Variants in SLC5A11 observed in about 807,000 individuals in gnomAD.
SLC5A11 encodes sodium/myo-inositol cotransporter 2.
Under a neutral mutation model 69.8 loss-of-function variants are expected in SLC5A11, and 48 were observed. The observed-to-expected ratio is 0.69, with a 90% confidence interval of 0.55 to 0.87. SLC5A11 has a LOEUF of 0.87. SLC5A11 is among the 40% of genes least tolerant of loss of function. SLC5A11 has a pLI of 0.00. For missense variants in SLC5A11, 784 were observed against 866.1 expected (o/e 0.91, Z 1.19); for synonymous variants, 319 against 342.4 (o/e 0.93, Z 0.75).
chr16:24,896,396 G>C (rs1187498858), intron 9 of SLC5A11, among the ~76,000 whole-genome samples: 1 of 151,846 alleles, frequency 6.6e-6, no homozygotes. Flanking sequence ...TTGAAAGACT[G>C]AGGCAGGAGG....
intron 3 of SLC5A11, among the ~76,000 whole-genome samples, chr16:24,863,807 G>A (rs918837811): frequency 6.6e-6 from 1 of 152,156 alleles, no homozygotes; most frequent in African/African-American, 2.4e-5. Flanking sequence ...CTTTAGCTGT[G>A]TTGTAGCCTT....
chr16:24,857,603 C>A (rs1355986506), intron 1 of SLC5A11, among the ~76,000 whole-genome samples: 1 of 152,162 alleles, frequency 6.6e-6, no homozygotes. Flanking sequence ...AGCTCCATTA[C>A]CCCATCTTCA....
At chr16:24,910,237 G>A (rs2050407074) in intron 14 of SLC5A11, 69 bp from the exon 16 acceptor site, 1 of 1,530,418 alleles carries the variant, frequency 6.5e-7, no homozygotes, top group Admixed American at 1.7e-5. Context: ...GGTGGGGAGT[G>A]TGAGAAAAGG....
chr16:24,859,144 A>T (rs2059657204), intron 2 of SLC5A11: 1 of 162,882 alleles, frequency 6.1e-6, no homozygotes, highest in South Asian at 2.0e-4. Flanking sequence ...TTCGAAGCTC[A>T]TGTTTTGTTT....
intron 1 of SLC5A11, among the ~76,000 whole-genome samples, chr16:24,848,301 G>C (rs1463543826): frequency 2.6e-5 from 4 of 152,158 alleles, no homozygotes; most frequent in Admixed American, 2.0e-4. Context: ...TGGCTTCCGT[G>C]TGAGGGGCGG....
At position 24,911,581 on chromosome 16, in the gene SLC5A11, A is replaced by AT. The variant is rs1294858394; in HGVS notation, c.*55dup. 3.9e-6 allele frequency: 6 copies of AT among 1,557,666 alleles called. No individual in the cohort carries two copies. The South Asian group carries it at 6.9e-5, about 18-fold the overall frequency. On this transcript the variant is annotated 3_prime_UTR_variant, in exon 16 of 16. Coordinates refer to ENST00000347898, the Ensembl canonical transcript of SLC5A11. ...AAACTCTGTTTCTCTTCAGTGCTCCATTTTTTTAATGAAAGAAAAAATAAT... is the reference window on the plus strand; with the variant it reads ...AAACTCTGTTTCTCTTCAGTGCTCCATTTTTTTTAATGAAAGAAAAAATAAT...
chr16:24,854,030 C>T (rs773139026), intron 1 of SLC5A11, among the ~76,000 whole-genome samples: 1 of 152,048 alleles, frequency 6.6e-6, no homozygotes, highest in Non-Finnish European at 1.5e-5. Flanking sequence ...GGCTTGGAAT[C>T]GGTGCCAGTT....
At position 24,883,929 on chromosome 16, in the gene SLC5A11, T is replaced by C; in HGVS notation, c.584-122T>C. The C allele has an allele frequency of 4.9e-6, 4 of 809,660 alleles. No individual in the cohort carries two copies. The South Asian group carries it at 5.3e-5, about 11-fold the overall frequency. 50.2% of individuals were successfully genotyped at this position (809,660 alleles called of 1,614,324 possible). On this transcript the variant is annotated intron_variant, in intron 7 of 15. Coordinates refer to ENST00000347898, the Ensembl canonical transcript of SLC5A11. ...AGGGAGGAGTGATCGTGGCCATCTT[T>C]GCAATCAGTCAGCACTAAGAAATCT...
At chr16:24,910,205 A>C (rs2050404219) in intron 14 of SLC5A11, 101 bp from the exon 16 acceptor site, 1 of 1,245,056 alleles carries the variant, frequency 8.0e-7, no homozygotes, top group South Asian at 1.4e-5. Flanking sequence ...AGATTCAGAC[A>C]CAAAGGCTGA....
At chr16:24,874,210 A>G (rs1377915301) in intron 5 of SLC5A11, among the ~76,000 whole-genome samples, 3 of 152,132 alleles carry the variant, frequency 2.0e-5, no homozygotes, top group South Asian at 2.1e-4. Context: ...CTCACATTCC[A>G]ATATATTTAT....
chr16:24,850,525 G>A (rs1246845361), intron 1 of SLC5A11, among the ~76,000 whole-genome samples: 5 of 152,176 alleles, frequency 3.3e-5, no homozygotes, highest in African/African-American at 1.2e-4. Context: ...GAAAGGGTGC[G>A]AGTGGCTTCC....
At chr16:24,872,570 G>A (rs115600196) in intron 5 of SLC5A11, among the ~76,000 whole-genome samples, 1 of 152,016 alleles carries the variant, frequency 6.6e-6, no homozygotes, top group Admixed American at 6.6e-5. Flanking sequence ...TTGAGACAGG[G>A]TCTGGCTTTG....
At chr16:24,904,642 C>T (rs541853636) in intron 10 of SLC5A11, among the ~76,000 whole-genome samples, 6 of 152,280 alleles carry the variant, frequency 3.9e-5, no homozygotes, top group South Asian at 2.1e-4. Context: ...CTCTCCACCA[C>T]GGCTCCACTG....
At chr16:24,871,526 G>C (rs575448235) in intron 4 of SLC5A11, among the ~76,000 whole-genome samples, 2 of 152,100 alleles carry the variant, frequency 1.3e-5, no homozygotes, top group Non-Finnish European at 2.9e-5. Context: ...ACTGGCTTCT[G>C]CCTGCCAAAG....
chr16:24,890,414 G>A (rs2048694435), intron 8 of SLC5A11, among the ~76,000 whole-genome samples: 1 of 144,710 alleles, frequency 6.9e-6, no homozygotes, highest in Non-Finnish European at 1.5e-5. Flanking sequence ...AACCTGGGAG[G>A]CGGAGGTGGC....
chr16:24,887,759 T>C (rs1339146218), intron 8 of SLC5A11, among the ~76,000 whole-genome samples: 1 of 152,174 alleles, frequency 6.6e-6, no homozygotes, highest in African/African-American at 2.4e-5. Flanking sequence ...ATTTATTTTC[T>C]CAACAAAACT....
At chr16:24,851,617 C>G (rs2059310841) in intron 1 of SLC5A11, among the ~76,000 whole-genome samples, 2 of 152,102 alleles carry the variant, frequency 1.3e-5, no homozygotes, top group Admixed American at 1.3e-4. Flanking sequence ...GTCATGCTTT[C>G]TTTAAAAAAA....
chr16:24,850,684 C>G (rs974240017), intron 1 of SLC5A11, among the ~76,000 whole-genome samples: 2 of 152,212 alleles, frequency 1.3e-5, no homozygotes, highest in Admixed American at 6.5e-5. Context: ...GGCCTTAGAC[C>G]CGGCCTCAGC....
exon 16 of SLC5A11, chr16:24,911,469 T>G (rs753987425): frequency 8.7e-6 from 14 of 1,614,138 alleles, no homozygotes; most frequent in Non-Finnish European, 1.1e-5. Context: ...GTGAAGACCC[T>G]CCTGGACGTC....
Sources: allele counts gnomAD v4.1 joint callset (sites outside exome capture counted in the v4.1 genomes callset), GRCh38; gene constraint gnomAD v4.1.1; transcripts MANE v1.5; gene names NCBI Gene and HGNC (gene_info 2026-07-23, HGNC 2026-07-21).